ADCY10: variants seen among roughly 807,000 people sequenced by gnomAD.
ADCY10 encodes the protein adenylate cyclase 10.
ADCY10 carries 156 observed loss-of-function variants against 183.3 expected under a neutral mutation model. The ratio of observed to expected loss-of-function variants is 0.85; its 90% confidence interval spans 0.75 to 0.97. The LOEUF (loss-of-function observed/expected upper bound fraction) is 0.97, where lower values mean the gene tolerates loss of function less well. ADCY10 is among the 50% of genes least tolerant of loss of function. The pLI, the probability that ADCY10 is intolerant of heterozygous loss-of-function variation, is 0.00. For missense variants in ADCY10, 1,745 were observed against 1,934.3 expected, an observed-to-expected ratio of 0.90 and a Z score of 1.84; for synonymous variants, 645 against 670.0, an observed-to-expected ratio of 0.96 and a Z score of 0.58.
At chr1:167,865,458 T>G (rs1249350403) in intron 14 of ADCY10, among the ~76,000 whole-genome samples, 1 of 152,236 alleles carries the variant, frequency 6.6e-6, no homozygotes, top group African/African-American at 2.4e-5. Flanking sequence ...AAACTTACCT[T>G]ATGGTCAAAC....
At chr1:167,839,622 T>A (rs184623960) in intron 21 of ADCY10, among the ~76,000 whole-genome samples, 45 of 152,350 alleles carry the variant, frequency 3.0e-4, no homozygotes, top group Non-Finnish European at 4.1e-4. Context: ...AAATTTAGAC[T>A]ATTTATCAAA....
chr1:167,845,549 A>G lies in ADCY10; in HGVS notation c.3007+14T>C, dbSNP rs1208416276. On this transcript the variant is annotated intron_variant, in intron 21 of 32. Coordinates refer to ENST00000367851, the MANE Select transcript of ADCY10 (RefSeq NM_018417.6). ...CAAGAACAGTTAGGATAATTTTAAA[A>G]TGAAGTAGGTTACTTTTAAATCCAT... The G allele has an allele frequency of 1.9e-6, 3 of 1,613,544 alleles. No individual in the cohort carries two copies. Among genetic ancestry groups the G allele is most frequent in the Non-Finnish European group, 8.5e-7 (1 of 1,179,570 alleles).
At chr1:167,810,592 A>G (rs137885919) in intron 32 of ADCY10, 133 bp downstream of exon 32, 5 of 830,890 alleles carry the variant, frequency 6.0e-6, no homozygotes, top group African/African-American at 1.7e-5. Context: ...GTAGGTTTCT[A>G]TTGTTCATCA....
At chr1:167,850,903 C>T (rs1343345361) in intron 18 of ADCY10, among the ~76,000 whole-genome samples, 1 of 152,010 alleles carries the variant, frequency 6.6e-6, no homozygotes, top group Non-Finnish European at 1.5e-5. Flanking sequence ...CCTCATGAAG[C>T]TCACATTCTA....
At chr1:167,811,171 AATTATTTTG>A (rs1265890256) in intron 31 of ADCY10, among the ~76,000 whole-genome samples, 1 of 152,206 alleles carries the variant, frequency 6.6e-6, no homozygotes, top group Non-Finnish European at 1.5e-5. Flanking sequence ...TTTTTTAAAA[AATTATTTTG>A]ATTATTATGA....
At chr1:167,819,831 C>CTG (rs1201283034) in intron 30 of ADCY10, 1 of 661,478 alleles carries the variant, frequency 1.5e-6, no homozygotes, top group African/African-American at 1.9e-5. Flanking sequence ...TCCCAAAGTG[C>CTG]TGGGATTACA....
intron 14 of ADCY10, 62 bp downstream of exon 14, chr1:167,870,195 G>A: frequency 6.4e-7 from 1 of 1,574,402 alleles, no homozygotes; most frequent in Non-Finnish European, 8.7e-7. Flanking sequence ...GGAAGGAGAG[G>A]AGCATCAAAA....
rs1668030215 is a variant in ADCY10, at chr1:167,883,728, A to G, written c.829-100T>C. The G allele has an allele frequency of 3.7e-6, 4 of 1,082,710 alleles. No homozygotes were observed. In the Admixed American group the frequency reaches 5.5e-5, roughly 15 times the overall value. 67.1% of individuals were successfully genotyped at this position (1,082,710 alleles called of 1,614,324 possible). A position where few individuals can be genotyped will look rare whatever the true frequency, so the allele number is the denominator to read the frequency against. ...ACCCGAAATCATCTAGGGAATGTCTACCTCAGAATGGGTGAGGTACAACAT... is the reference window on the plus strand; with the variant it reads ...ACCCGAAATCATCTAGGGAATGTCTGCCTCAGAATGGGTGAGGTACAACAT... On this transcript the variant is annotated intron_variant, in intron 8 of 32. Coordinates refer to ENST00000367851, the MANE Select transcript of ADCY10 (RefSeq NM_018417.6).
chr1:167,909,647 G>A (rs1670027323), intron 1 of ADCY10, among the ~76,000 whole-genome samples: 1 of 152,066 alleles, frequency 6.6e-6, no homozygotes, highest in Admixed American at 6.6e-5. Flanking sequence ...TTGTGCCCCA[G>A]GGAAGCCGAA....
At chr1:167,836,683 A>C in intron 22 of ADCY10, 143 bp from the exon 23 acceptor site, 1 of 655,778 alleles carries the variant, frequency 1.5e-6, no homozygotes. Context: ...TGAGATCAGG[A>C]GTTCAAGACC....
In ADCY10 at chr1:167,833,214, CTTAA is replaced by C. The variant is rs778120071; in HGVS notation, c.3418-56_3418-53del. 5.9e-6 allele frequency: 9 copies of C among 1,534,068 alleles called. No individual in the cohort carries two copies. The African/African-American group carries it at 1.1e-4, about 19-fold the overall frequency. On this transcript the variant is annotated intron_variant, in intron 24 of 32. Coordinates refer to ENST00000367851, the MANE Select transcript of ADCY10 (RefSeq NM_018417.6). Reference sequence around the variant, plus strand: ...GAAAAGAGGAAAACGATGATTCTAACTTAATTAGTAGGTCCCAACAATCCATATT... The same window carrying C: ...GAAAAGAGGAAAACGATGATTCTAACTTAGTAGGTCCCAACAATCCATATT...
chr1:167,811,159 CT>C (rs972601462), intron 31 of ADCY10, among the ~76,000 whole-genome samples: 2 of 152,132 alleles, frequency 1.3e-5, no homozygotes, highest in East Asian at 3.9e-4. Flanking sequence ...TCTGCAATAA[CT>C]TTTTTTAAAA....
intron 12 of ADCY10, among the ~76,000 whole-genome samples, chr1:167,878,229 C>T (rs1233746489): frequency 6.6e-6 from 1 of 152,130 alleles, no homozygotes; most frequent in East Asian, 1.9e-4. Flanking sequence ...CCCTCATATT[C>T]TCAGATCTGA....
At chr1:167,834,406 C>A in intron 23 of ADCY10, 1 of 408,846 alleles carries the variant, frequency 2.4e-6, no homozygotes, top group East Asian at 5.4e-5. Flanking sequence ...CTCAATAATT[C>A]TATCCCCAAC....
At chr1:167,907,679 T>TAGCAAAAAAATTAGTTATTTAGATTAGC (rs1467685850) in intron 1 of ADCY10, among the ~76,000 whole-genome samples, 2 of 152,218 alleles carry the variant, frequency 1.3e-5, no homozygotes, top group South Asian at 2.1e-4. Context: ...AAGAGGTGAT[T>TAGCAAAAAAATTAGTTATTTAGATTAGC]AAAAGGAGTC....
At chr1:167,832,952 C>A (rs1452263414) in intron 25 of ADCY10, 35 bp downstream of exon 25, 6 of 1,608,300 alleles carry the variant, frequency 3.7e-6, no homozygotes, top group South Asian at 1.1e-5. Flanking sequence ...GGGAGTGAGA[C>A]TAAACAGTCT....
chr1:167,906,134 G>A (rs537767612), intron 1 of ADCY10, among the ~76,000 whole-genome samples: 14 of 152,040 alleles, frequency 9.2e-5, no homozygotes, highest in African/African-American at 3.1e-4. Flanking sequence ...TGAGACAGTC[G>A]CTTATATCCC....
Position 167,854,477 on chromosome 1 carries a change from C to G in ADCY10, c.2184G>C (p.Glu728Asp). 1.2e-6 allele frequency: 2 copies of G among 1,614,172 alleles called. No homozygotes were observed. Among genetic ancestry groups the G allele is most frequent in the Non-Finnish European group, 1.7e-6 (2 of 1,180,026 alleles). ...AGTAAAATGGAATCCCACAGCTTCCCTCCCCCAGGTACCTGTAGTGAAAAC... is the reference window on the plus strand; with the variant it reads ...AGTAAAATGGAATCCCACAGCTTCCGTCCCCCAGGTACCTGTAGTGAAAAC... ...ISKELDSYLGEGSCGIPFYCE... is the reference protein window; with the variant it reads ...ISKELDSYLGDGSCGIPFYCE... Residue 728 changes from glutamate to aspartate, a missense_variant, in exon 18 of 33, where the codon GAG (glutamate) becomes GAC (aspartate). Coordinates refer to ENST00000367851, the MANE Select transcript of ADCY10 (RefSeq NM_018417.6).
In ADCY10 at chr1:167,902,048, AAC is replaced by A; in HGVS notation, c.258_259del (p.Leu87AspfsTer12). The A allele has an allele frequency of 6.2e-7, 1 of 1,610,010 alleles. No homozygotes were observed. Among genetic ancestry groups the A allele is most frequent in the East Asian group, 2.2e-5 (1 of 44,872 alleles). ...TTTCAGGATGTCTCCTCCAAAAATC[AAC>A]ACTTCTGAGAAAAAAAAAAAAAATT... is the stretch of plus-strand genomic sequence containing the variant. On this transcript the variant is annotated frameshift_variant, in exon 4 of 33. Transcript: ENST00000367851. LOFTEE classifies it high-confidence loss of function.
Sources: gnomAD v4.1 joint callset for allele counts (sites outside exome capture counted in the v4.1 genomes callset) on GRCh38, gnomAD v4.1.1 for gene constraint, MANE v1.5 for transcripts, NCBI Gene and HGNC (gene_info 2026-07-23, HGNC 2026-07-21) for gene names.